RGS5: variants seen among roughly 807,000 people sequenced by gnomAD.
RGS5 encodes the protein regulator of G protein signaling 5.
A neutral mutation model predicts 18.9 loss-of-function variants in RGS5; 20 were observed. That is an observed-to-expected ratio of 1.06 (90% CI 0.74 to 1.54). The LOEUF is 1.54. Among genes scored for constraint, RGS5 ranks in the 40% most tolerant of loss-of-function variants. RGS5 has a pLI of 0.00. For synonymous variants in RGS5, 57 were observed against 76.2 expected, an observed-to-expected ratio of 0.75 and a Z score of 1.31; for missense variants, 201 against 211.8, an observed-to-expected ratio of 0.95 and a Z score of 0.32.
chr1:163,317,377 T>C (rs1571361690), intron 1 of RGS5, among the ~76,000 whole-genome samples: 1 of 152,302 alleles, frequency 6.6e-6, no homozygotes, highest in East Asian at 1.9e-4. Flanking sequence ...ATCCTTGATT[T>C]CTCCCACTTC....
intron 1 of RGS5, chr1:163,321,491 G>C (rs1650208328): frequency 6.6e-6 from 1 of 152,204 alleles, no homozygotes; most frequent in Non-Finnish European, 1.5e-5. Flanking sequence ...GGGGATGATA[G>C]TATCTCTCCA....
At chr1:163,204,086 C>A (rs1659874885), upstream of RGS5, among the ~76,000 whole-genome samples, 1 of 152,102 alleles carries the variant, frequency 6.6e-6, no homozygotes, top group Non-Finnish European at 1.5e-5. Flanking sequence ...GGTTGATCAA[C>A]CCCTGTTACT....
At chr1:163,247,374 T>C (rs1166148285) in intron 2 of RGS5, among the ~76,000 whole-genome samples, 1 of 152,198 alleles carries the variant, frequency 6.6e-6, no homozygotes, top group Admixed American at 6.5e-5. Flanking sequence ...ATTCTTAGGC[T>C]GTATGTTTCT....
At chr1:163,157,908 C>T (rs902318971) in intron 3 of RGS5, among the ~76,000 whole-genome samples, 8 of 152,014 alleles carry the variant, frequency 5.3e-5, no homozygotes, top group African/African-American at 1.4e-4. Flanking sequence ...GAACTCCTGG[C>T]CTCAAGCGAT....
At chr1:163,280,586 T>A (rs866443746) in intron 2 of RGS5, among the ~76,000 whole-genome samples, 1 of 152,018 alleles carries the variant, frequency 6.6e-6, no homozygotes, top group Middle Eastern at 3.4e-3. Flanking sequence ...GAAGGAAAAC[T>A]GTGAAACACT....
Position 163,313,030 on chromosome 1 carries a change from T to A in RGS5, c.-377-6701A>T, listed in dbSNP as rs554450837. 5.3e-5 allele frequency among the ~76,000 whole-genome samples: 8 copies of A among 152,280 alleles called. No individual in the cohort carries two copies. The South Asian group carries it at 1.4e-3, about 28-fold the overall frequency. ...TGTCTTTCAACCTAAAATAAAAATATAACAGGGTGAAATAAAATGTACTAA... is the reference window on the plus strand; with the variant it reads ...TGTCTTTCAACCTAAAATAAAAATAAAACAGGGTGAAATAAAATGTACTAA... On this transcript the variant is annotated intron_variant, in intron 1 of 5. Transcript: ENST00000618415.
At chr1:163,292,656 T>C (rs1403193023) in intron 2 of RGS5, among the ~76,000 whole-genome samples, 1 of 152,214 alleles carries the variant, frequency 6.6e-6, no homozygotes, top group Admixed American at 6.5e-5. Context: ...GCATTTGTTT[T>C]TCTCCACAAC....
intron 2 of RGS5, among the ~76,000 whole-genome samples, chr1:163,300,038 T>C (rs1408625118): frequency 6.6e-6 from 1 of 152,260 alleles, no homozygotes; most frequent in Non-Finnish European, 1.5e-5. Context: ...TTGCCTCATC[T>C]ATCATTTACA....
chr1:163,277,899 T>C (rs537099574), intron 2 of RGS5, among the ~76,000 whole-genome samples: 1 of 152,122 alleles, frequency 6.6e-6, no homozygotes, highest in Admixed American at 6.6e-5. Flanking sequence ...ATTGATAGCT[T>C]CAACAATAGA....
intron 2 of RGS5, among the ~76,000 whole-genome samples, chr1:163,269,282 A>G (rs1472862056): frequency 1.3e-5 from 2 of 152,144 alleles, no homozygotes; most frequent in Admixed American, 6.5e-5. Flanking sequence ...GCCCATCTGT[A>G]TTTATTTCTT....
chr1:163,175,999 G>T (rs1571242947), intron 1 of RGS5, among the ~76,000 whole-genome samples: 1 of 152,128 alleles, frequency 6.6e-6, no homozygotes, highest in Non-Finnish European at 1.5e-5. Flanking sequence ...TCATATTAGT[G>T]ATTAATTACA....
At chr1:163,211,285 T>C (rs940802732) in intron 1 of RGS5, 1 of 152,084 alleles carries the variant, frequency 6.6e-6, no homozygotes, top group African/African-American at 2.4e-5. Flanking sequence ...TAATTATGTT[T>C]AATAGGAGAA....
chr1:163,283,049 C>T (rs1649037219), intron 2 of RGS5, among the ~76,000 whole-genome samples: 1 of 151,908 alleles, frequency 6.6e-6, no homozygotes, highest in Non-Finnish European at 1.5e-5. Context: ...ACAAATGCCA[C>T]ATATTGTCAC....
intron 1 of RGS5, among the ~76,000 whole-genome samples, chr1:163,176,209 G>C (rs1298597714): frequency 1.3e-5 from 2 of 152,136 alleles, no homozygotes; most frequent in African/African-American, 2.4e-5. Flanking sequence ...GCTACCCCAG[G>C]TTAGCTCATT....
intron 2 of RGS5, among the ~76,000 whole-genome samples, chr1:163,264,985 A>T (rs957051126): frequency 6.6e-6 from 1 of 152,078 alleles, no homozygotes; most frequent in Non-Finnish European, 1.5e-5. Context: ...CCACTTGTGC[A>T]CTTGGAATGC....
Position 163,168,192 on chromosome 1 carries a change from G to C in RGS5, c.155+66C>G, listed in dbSNP as rs760552773. On this transcript the variant is annotated intron_variant, in intron 2 of 4. Coordinates refer to ENST00000313961, the MANE Select transcript of RGS5 (RefSeq NM_003617.4). ...GGGGTAGTTCTACAGATGAGGAATG[G>C]TGCTAAACACTTGGAAAATAGCCAT... 2.8e-4 allele frequency: 332 copies of C among 1,166,934 alleles called. 1 individual carries two copies. The highest frequency in any genetic ancestry group is 3.8e-4 in the Non-Finnish European group (296 of 775,330). The allele number at this position is 1,166,934 out of a possible 1,614,324, so 72.3% of individuals were successfully genotyped here.
chr1:163,315,788 T>C (rs1477509064), intron 1 of RGS5, among the ~76,000 whole-genome samples: 2 of 152,180 alleles, frequency 1.3e-5, no homozygotes, highest in Non-Finnish European at 2.9e-5. Flanking sequence ...AGATAGCTAT[T>C]TTGAATTCAA....
chr1:163,263,187 T>C (rs1394719543), intron 2 of RGS5, among the ~76,000 whole-genome samples: 1 of 152,186 alleles, frequency 6.6e-6, no homozygotes, highest in Non-Finnish European at 1.5e-5. Context: ...CAATTTCAAT[T>C]TTCTCCTGGC....
rs530017029 is a variant in RGS5, at chr1:163,266,767, A to G, written c.-281+39466T>C. The G allele has an allele frequency of 4.6e-5, 7 of 152,182 alleles. No homozygotes were observed. In the South Asian group the frequency reaches 1.5e-3, roughly 32 times the overall value. 9.4% of individuals were successfully genotyped at this position (152,182 alleles called of 1,614,324 possible). A position where few individuals can be genotyped will look rare whatever the true frequency, so the allele number is the denominator to read the frequency against. ...TGATACTTCACTGCATTTAGCATTT[A>G]TCTCCCCCTCTTGATTGCATGGAAA... On this transcript the variant is annotated intron_variant, in intron 2 of 5. Coordinates refer to the RGS5 transcript ENST00000618415.
Sources: allele counts gnomAD v4.1 joint callset (sites outside exome capture counted in the v4.1 genomes callset), GRCh38; gene constraint gnomAD v4.1.1; transcripts MANE v1.5; gene names NCBI Gene and HGNC (gene_info 2026-07-23, HGNC 2026-07-21).